The following CNTN5 variants were observed in gnomAD, a reference collection of about 807,000 sequenced individuals.
CNTN5 encodes the protein contactin 5.
A neutral mutation model predicts 129.1 loss-of-function variants in CNTN5; 77 were observed. That is an observed-to-expected ratio of 0.60 (90% CI 0.50 to 0.72). CNTN5 has a LOEUF of 0.72. Ranked by LOEUF, CNTN5 falls within the 30% of genes least tolerant of loss-of-function variation. The probability of loss-of-function intolerance (pLI) is 0.00; values close to 1 mark genes in which losing one functional copy is unlikely to be tolerated. For synonymous variants in CNTN5, 509 were observed against 465.6 expected (o/e 1.09, Z -1.20); for missense variants, 1,478 against 1,328.8 (o/e 1.11, Z -1.75).
intron 9 of CNTN5, among the ~76,000 whole-genome samples, chr11:100,046,381 C>T (rs1942678602): frequency 6.6e-6 from 1 of 152,098 alleles, no homozygotes; most frequent in Non-Finnish European, 1.5e-5. Context: ...CAAGAGGAAA[C>T]CAACAGCCTG....
At chr11:99,305,600 T>C (rs1472241825) in intron 1 of CNTN5, among the ~76,000 whole-genome samples, 1 of 152,136 alleles carries the variant, frequency 6.6e-6, no homozygotes, top group Non-Finnish European at 1.5e-5. Flanking sequence ...AATTTAACAA[T>C]CCACAGCAAT....
intron 1 of CNTN5, among the ~76,000 whole-genome samples, chr11:99,315,272 T>G (rs914181156): frequency 1.3e-5 from 2 of 149,586 alleles, no homozygotes; most frequent in Admixed American, 1.3e-4. Context: ...GGCTAAACAT[T>G]CTGAACATTA....
At chr11:99,210,081 A>G (rs149038441) in intron 1 of CNTN5, among the ~76,000 whole-genome samples, 3 of 152,118 alleles carry the variant, frequency 2.0e-5, no homozygotes, top group Non-Finnish European at 4.4e-5. Context: ...AAAGACAATA[A>G]TGTCTTTTAG....
At chr11:99,875,861 G>A (rs1469098457) in intron 6 of CNTN5, among the ~76,000 whole-genome samples, 1 of 152,032 alleles carries the variant, frequency 6.6e-6, no homozygotes, top group Non-Finnish European at 1.5e-5. Flanking sequence ...TGACTTAATT[G>A]TATAAGCACT....
intron 2 of CNTN5, among the ~76,000 whole-genome samples, chr11:99,390,507 A>G (rs1941205374): frequency 6.6e-6 from 1 of 152,244 alleles, no homozygotes; most frequent in Admixed American, 6.6e-5. Context: ...GTATCTTACT[A>G]AAATGTTATA....
chr11:99,555,714 T>C (rs1239443918), intron 2 of CNTN5, among the ~76,000 whole-genome samples: 1 of 151,848 alleles, frequency 6.6e-6, no homozygotes, highest in African/African-American at 2.4e-5. Context: ...AGGCACAATG[T>C]GTAAAATCAC....
At chr11:99,925,465 T>C (rs1950040080) in intron 7 of CNTN5, among the ~76,000 whole-genome samples, 1 of 152,192 alleles carries the variant, frequency 6.6e-6, no homozygotes, top group South Asian at 2.1e-4. Flanking sequence ...GTAAACACTC[T>C]AACATATAGT....
At chr11:99,033,150 A>G (rs1458458383) in intron 1 of CNTN5, among the ~76,000 whole-genome samples, 1 of 150,988 alleles carries the variant, frequency 6.6e-6, no homozygotes, top group Non-Finnish European at 1.5e-5. Flanking sequence ...TACCAGTACC[A>G]TGCTGTTTTA....
intron 3 of CNTN5, among the ~76,000 whole-genome samples, chr11:99,748,680 A>G (rs1336370109): frequency 2.0e-5 from 3 of 152,158 alleles, no homozygotes; most frequent in Admixed American, 1.3e-4. Context: ...AAGGTCTGAG[A>G]ACCTGGAACA....
chr11:99,806,187 A>T (rs569466740), intron 3 of CNTN5, among the ~76,000 whole-genome samples: 55 of 152,266 alleles, frequency 3.6e-4, no homozygotes, highest in African/African-American at 1.3e-3. Context: ...TCTCCCTCCA[A>T]TGACAAACTA....
chr11:99,755,456 T>C (rs1395813798), intron 3 of CNTN5, among the ~76,000 whole-genome samples: 1 of 152,182 alleles, frequency 6.6e-6, no homozygotes, highest in Non-Finnish European at 1.5e-5. Context: ...GTTGTTTTAC[T>C]TTGTAATTCC....
intron 3 of CNTN5, among the ~76,000 whole-genome samples, chr11:99,625,973 G>A (rs1278801417): frequency 2.6e-5 from 4 of 151,270 alleles, no homozygotes; most frequent in African/African-American, 9.7e-5. Context: ...GGATTAATAT[G>A]TATTCTCAAA....
intron 6 of CNTN5, among the ~76,000 whole-genome samples, chr11:99,878,045 G>A (rs1401598857): frequency 1.3e-5 from 2 of 152,276 alleles, no homozygotes; most frequent in African/African-American, 2.4e-5. Flanking sequence ...TTTCACACCA[G>A]CTATTTTCTG....
chr11:100,038,730 C>T (rs1345870129), intron 9 of CNTN5, among the ~76,000 whole-genome samples: 3 of 152,036 alleles, frequency 2.0e-5, no homozygotes, highest in South Asian at 2.1e-4. Flanking sequence ...TAATGGCCTT[C>T]TTTGTCTCTT....
chr11:100,203,780 A>C (rs1948842177), intron 15 of CNTN5, among the ~76,000 whole-genome samples: 1 of 133,260 alleles, frequency 7.5e-6, no homozygotes, highest in Non-Finnish European at 1.6e-5. Flanking sequence ...CATCCCATCC[A>C]ATTACATAAA....
chr11:99,724,427 G>C (rs1943270499), intron 3 of CNTN5, among the ~76,000 whole-genome samples: 1 of 152,066 alleles, frequency 6.6e-6, no homozygotes, highest in Admixed American at 6.6e-5. Context: ...ATTCCATATA[G>C]CAACACCACT....
intron 3 of CNTN5, among the ~76,000 whole-genome samples, chr11:99,658,246 T>C (rs1002572214): frequency 5.3e-5 from 8 of 152,112 alleles, no homozygotes; most frequent in African/African-American, 1.9e-4. Context: ...GCAGGGTGTT[T>C]AGAGTATATG....
intron 13 of CNTN5, among the ~76,000 whole-genome samples, chr11:100,188,930 A>C (rs1306392296): frequency 6.6e-6 from 1 of 152,170 alleles, no homozygotes; most frequent in African/African-American, 2.4e-5. Flanking sequence ...CCTTTGTAAC[A>C]ACATGGATGC....
At chr11:99,180,679 C>T (rs1239047373) in intron 1 of CNTN5, among the ~76,000 whole-genome samples, 3 of 152,140 alleles carry the variant, frequency 2.0e-5, no homozygotes, top group Non-Finnish European at 4.4e-5. Context: ...TTAACTTTCC[C>T]TTCACAGTCG....
Sources: allele counts gnomAD v4.1 joint callset (sites outside exome capture counted in the v4.1 genomes callset), GRCh38; gene constraint gnomAD v4.1.1; transcripts MANE v1.5; gene names NCBI Gene and HGNC (gene_info 2026-07-23, HGNC 2026-07-21).